MYO5B: variants seen among roughly 807,000 people sequenced by gnomAD.
The protein encoded by MYO5B is myosin VB.
Under a neutral mutation model 229.3 loss-of-function variants are expected in MYO5B, and 143 were observed. That is an observed-to-expected ratio of 0.62 (90% confidence interval 0.54 to 0.72). MYO5B has a LOEUF of 0.72. Ranked by LOEUF, MYO5B falls within the 30% of genes least tolerant of loss-of-function variation. The probability of loss-of-function intolerance (pLI) is 0.00; values close to 1 mark genes in which losing one functional copy is unlikely to be tolerated. For missense variants in MYO5B, 2,321 were observed against 2,331.0 expected (o/e 1.00, Z 0.09); for synonymous variants, 918 against 885.2 (o/e 1.04, Z -0.66).
chr18:50,051,862 G>A (rs73446607), intron 2 of MYO5B, among the ~76,000 whole-genome samples: 1,615 of 152,304 alleles, frequency 0.011, 31 homozygotes, highest in African/African-American at 0.037. Context: ...GTTTCCAGGT[G>A]CTGTGGGGAG....
At chr18:50,012,931 T>C (rs186751946) in intron 4 of MYO5B, among the ~76,000 whole-genome samples, 157 of 152,368 alleles carry the variant, frequency 1.0e-3, no homozygotes, top group Non-Finnish European at 1.9e-3. Context: ...GAAGGCATTC[T>C]AGCAAAGACA....
At chr18:49,902,462 G>A in intron 21 of MYO5B, 132 bp downstream of exon 21, 1 of 1,216,530 alleles carries the variant, frequency 8.2e-7, no homozygotes, top group Middle Eastern at 2.7e-4. Flanking sequence ...GTTAGTATCT[G>A]CTGTGGTCTG....
At chr18:49,894,347 C>A (rs1443153285) in intron 22 of MYO5B, among the ~76,000 whole-genome samples, 2 of 152,142 alleles carry the variant, frequency 1.3e-5, no homozygotes, top group Non-Finnish European at 2.9e-5. Flanking sequence ...TCTCCAGGGG[C>A]CCTTGGGACT....
At chr18:50,077,552 T>C (rs2031118499) in intron 1 of MYO5B, among the ~76,000 whole-genome samples, 1 of 143,404 alleles carries the variant, frequency 7.0e-6, no homozygotes, top group South Asian at 2.2e-4. Flanking sequence ...GTAAAGGACT[T>C]CAATGGTCCA....
rs546298450 is a variant in MYO5B at position 49,864,710 on chromosome 18, T to C, written c.3604-330A>G. ...GCTGGGCTCACAATTTTAAATGACA[T>C]ATAGTAAACATAAGAATTCCTACAA... On this transcript the variant is annotated intron_variant, in intron 27 of 39. Coordinates refer to ENST00000285039, the MANE Select transcript of MYO5B (RefSeq NM_001080467.3). Among the ~76,000 whole-genome samples the C allele has an allele frequency of 7.9e-5, 12 of 152,370 alleles. No homozygotes were observed. The East Asian group carries it at 2.1e-3, about 27-fold the overall frequency.
chr18:49,827,149 C>T (rs2023857087), intron 39 of MYO5B, among the ~76,000 whole-genome samples: 1 of 152,248 alleles, frequency 6.6e-6, no homozygotes, highest in Non-Finnish European at 1.5e-5. Context: ...TCAACTATCT[C>T]ATAACTCTGG....
intron 17 of MYO5B, among the ~76,000 whole-genome samples, chr18:49,926,163 G>A (rs923943465): frequency 2.0e-5 from 3 of 152,338 alleles, no homozygotes; most frequent in South Asian, 2.1e-4. Context: ...ACAATGCTGG[G>A]ACCCGCTGGG....
rs200110215 is a variant in MYO5B, at chr18:49,853,458, G to C, written c.4212C>G (p.Asn1404Lys). ...AGACATGGCTACCCACCAGATTCTCGTTGGTCAGCCGGGATATTTCCTGCT... is the reference window on the plus strand; with the variant it reads ...AGACATGGCTACCCACCAGATTCTCCTTGGTCAGCCGGGATATTTCCTGCT... ...GVQQEISRLT[N>K]ENLDLKELVE... is the part of the protein sequence containing the mutation. The change falls in exon 31 of 40, where the codon AAC becomes AAG. Residue 1404 changes from asparagine to lysine, a missense_variant. Asn to Lys is a moderately conservative substitution (Grantham distance 94, BLOSUM62 0). Transcript: ENST00000285039. 9 of 1,614,008 alleles carry C rather than the reference G, an allele frequency of 5.6e-6. No homozygotes were observed. In the African/African-American group the frequency reaches 8.0e-5, roughly 14 times the overall value.
At chr18:49,886,724 C>T (rs572203880) in intron 22 of MYO5B, among the ~76,000 whole-genome samples, 1 of 152,122 alleles carries the variant, frequency 6.6e-6, no homozygotes, top group South Asian at 2.1e-4. Context: ...TAAAATGTGA[C>T]CTGGTGTTGA....
chr18:50,137,606 T>C (rs1383751770), intron 1 of MYO5B, among the ~76,000 whole-genome samples: 1 of 152,160 alleles, frequency 6.6e-6, no homozygotes, highest in African/African-American at 2.4e-5. Flanking sequence ...AGAACCACCA[T>C]TCAACTCAGC....
At chr18:50,032,705 G>A (rs1324238166) in intron 4 of MYO5B, among the ~76,000 whole-genome samples, 1 of 152,194 alleles carries the variant, frequency 6.6e-6, no homozygotes. Context: ...GTGTTCTCAG[G>A]CCGGGCATGG....
chr18:50,131,131 T>G (rs897338200), intron 1 of MYO5B, among the ~76,000 whole-genome samples: 2 of 152,228 alleles, frequency 1.3e-5, no homozygotes, highest in African/African-American at 4.8e-5. Context: ...CACGGCACTT[T>G]AAAAGCATTA....
intron 29 of MYO5B, among the ~76,000 whole-genome samples, chr18:49,858,802 A>C (rs906988089): frequency 2.0e-5 from 3 of 152,198 alleles, no homozygotes; most frequent in East Asian, 3.9e-4. Flanking sequence ...ACACACGAGT[A>C]AACTAAAAAC....
At chr18:50,036,764 T>G (rs1397578478) in intron 4 of MYO5B, 86 bp downstream of exon 4, 6 of 1,500,810 alleles carry the variant, frequency 4.0e-6, no homozygotes, top group South Asian at 2.3e-5. Context: ...CACCTCACTG[T>G]GAGCATCAGT....
At chr18:49,828,524 C>A (rs1200026496) in intron 39 of MYO5B, among the ~76,000 whole-genome samples, 1 of 151,998 alleles carries the variant, frequency 6.6e-6, no homozygotes, top group Non-Finnish European at 1.5e-5. Context: ...TGGATAGAAC[C>A]AGATAGAAGA....
chr18:49,931,546 A>AG (rs1272949891), intron 16 of MYO5B, among the ~76,000 whole-genome samples: 3 of 152,216 alleles, frequency 2.0e-5, no homozygotes, highest in African/African-American at 7.2e-5. Context: ...CCTTAGTGCG[A>AG]GGGCCTTACA....
At position 49,974,665 on chromosome 18, in the gene MYO5B, G is replaced by A. The variant is rs201110990; in HGVS notation, c.1057-50C>T. ...TCAGGAGGAGTGTGGGAGACAAGCC[G>A]CCCCCCACCAATGTCTTCCACCCTC... On this transcript the variant is annotated intron_variant, in intron 9 of 39. Transcript: ENST00000285039. 2.0e-5 allele frequency: 31 copies of A among 1,585,912 alleles called. 1 individual carries two copies. The highest frequency in any genetic ancestry group is 2.4e-5 in the Non-Finnish European group (28 of 1,163,998).
intron 1 of MYO5B, among the ~76,000 whole-genome samples, chr18:50,143,710 G>A (rs1418591334): frequency 2.0e-5 from 3 of 152,214 alleles, no homozygotes; most frequent in Non-Finnish European, 2.9e-5. Context: ...AAATATCTTA[G>A]AGGCTATCTA....
intron 23 of MYO5B, 144 bp from the exon 24 acceptor site, chr18:49,879,234 C>T (rs978208801): frequency 8.5e-6 from 8 of 942,760 alleles, no homozygotes; most frequent in African/African-American, 3.2e-5. Flanking sequence ...ACGCTCCTCA[C>T]CTACTGCAGA....
Sources: gnomAD v4.1 joint callset for allele counts (sites outside exome capture counted in the v4.1 genomes callset) on GRCh38, gnomAD v4.1.1 for gene constraint, MANE v1.5 for transcripts, NCBI Gene and HGNC (gene_info 2026-07-23, HGNC 2026-07-21) for gene names.